Variants in IQCB1 observed in about 807,000 individuals in gnomAD.
IQCB1 encodes the protein IQ motif containing B1.
A neutral mutation model predicts 84.4 loss-of-function variants in IQCB1; 56 were observed. The ratio of observed to expected loss-of-function variants is 0.66; its 90% CI spans 0.54 to 0.83. The LOEUF is 0.83. Among genes scored for constraint, IQCB1 ranks in the 40% least tolerant of loss-of-function variants. The pLI, the probability that IQCB1 is intolerant of heterozygous loss-of-function variation, is 0.00. For missense variants in IQCB1, 629 were observed against 682.1 expected (o/e 0.92, Z 0.87); for synonymous variants, 210 against 234.8 (o/e 0.89, Z 0.96).
At chr3:121,833,110 C>G (rs1382975644) in intron 2 of IQCB1, among the ~76,000 whole-genome samples, 1 of 152,136 alleles carries the variant, frequency 6.6e-6, no homozygotes, top group Non-Finnish European at 1.5e-5. Context: ...CTACCTATCC[C>G]TTAGAGATGA....
At chr3:121,799,150 A>C in intron 8 of IQCB1, 46 bp downstream of exon 8, 1 of 1,457,878 alleles carries the variant, frequency 6.9e-7, no homozygotes, top group South Asian at 1.2e-5. Context: ...ATCAATAAAA[A>C]TTTTCTTTTT....
chr3:121,798,957 G>T (rs1205481240), intron 8 of IQCB1, among the ~76,000 whole-genome samples: 4 of 151,774 alleles, frequency 2.6e-5, no homozygotes, highest in Non-Finnish European at 5.9e-5. Flanking sequence ...TTGTCAGAGA[G>T]GGAGTAAATA....
At chr3:121,821,589 G>A (rs1183063349) in intron 5 of IQCB1, among the ~76,000 whole-genome samples, 5 of 152,298 alleles carry the variant, frequency 3.3e-5, no homozygotes, top group South Asian at 4.1e-4. Flanking sequence ...TGTGGCTATA[G>A]TGAAAGTAGT....
chr3:121,796,596 T>C (rs1437916449), intron 9 of IQCB1, among the ~76,000 whole-genome samples: 1 of 152,138 alleles, frequency 6.6e-6, no homozygotes, highest in Non-Finnish European at 1.5e-5. Context: ...GCATTATTGT[T>C]GTATCTCAAA....
chr3:121,793,137 T>C (rs1949058110), intron 10 of IQCB1, among the ~76,000 whole-genome samples: 1 of 152,094 alleles, frequency 6.6e-6, no homozygotes, highest in Admixed American at 6.5e-5. Flanking sequence ...CAAGATGAAA[T>C]CAACAAATGT....
At chr3:121,804,788 C>G (rs1024962000) in intron 7 of IQCB1, among the ~76,000 whole-genome samples, 8 of 152,098 alleles carry the variant, frequency 5.3e-5, no homozygotes, top group Non-Finnish European at 1.2e-4. Context: ...TAAGTCATTA[C>G]TTCTTCACAC....
chr3:121,814,556 A>T (rs1266102764), intron 5 of IQCB1, among the ~76,000 whole-genome samples: 1 of 152,220 alleles, frequency 6.6e-6, no homozygotes, highest in Non-Finnish European at 1.5e-5. Context: ...AATCAGATAG[A>T]CACAATAAAA....
In IQCB1 at chr3:121,800,391, G is replaced by A. The variant is rs563475719; in HGVS notation, c.588-1017C>T. 3.0e-4 allele frequency among the ~76,000 whole-genome samples: 45 copies of A among 151,924 alleles called. No individual in the cohort carries two copies. The South Asian group carries it at 5.6e-3, about 19-fold the overall frequency. On this transcript the variant is annotated intron_variant, in intron 7 of 14. Transcript: ENST00000310864. The stretch of plus-strand genomic sequence containing the variant: ...GCTTTTTGAAAATTGTACTTTAGTA[G>A]TTACTAAAATAATTTTGTTAAGAGA...
intron 5 of IQCB1, among the ~76,000 whole-genome samples, chr3:121,813,003 T>C (rs1287595198): frequency 6.6e-6 from 1 of 152,124 alleles, no homozygotes; most frequent in Non-Finnish European, 1.5e-5. Context: ...AAAAAAATCT[T>C]AGGGGCAGCC....
intron 2 of IQCB1, among the ~76,000 whole-genome samples, chr3:121,830,272 T>TA (rs911129956): frequency 2.3e-4 from 35 of 151,564 alleles, no homozygotes; most frequent in African/African-American, 8.5e-4. Context: ...CTCCTAACAT[T>TA]AAAAAACAAG....
chr3:121,809,176 T>C (rs1949727312), intron 5 of IQCB1, among the ~76,000 whole-genome samples, 167 bp from the exon 6 acceptor site: 1 of 151,870 alleles, frequency 6.6e-6, no homozygotes, highest in Admixed American at 6.6e-5. Flanking sequence ...TTTGTAAAAC[T>C]TGTGGTTACA....
intron 5 of IQCB1, among the ~76,000 whole-genome samples, chr3:121,822,905 A>G (rs1950325475): frequency 6.6e-6 from 1 of 152,222 alleles, no homozygotes; most frequent in South Asian, 2.1e-4. Flanking sequence ...CAAAAAATTA[A>G]CAGAGATGTG....
At chr3:121,815,134 C>T (rs1170744404) in intron 5 of IQCB1, among the ~76,000 whole-genome samples, 4 of 152,136 alleles carry the variant, frequency 2.6e-5, no homozygotes, top group Admixed American at 2.0e-4. Flanking sequence ...TAATCCATCA[C>T]ATAAACAGAA....
At chr3:121,816,261 A>T (rs976264596) in intron 5 of IQCB1, among the ~76,000 whole-genome samples, 1 of 152,220 alleles carries the variant, frequency 6.6e-6, no homozygotes, top group African/African-American at 2.4e-5. Flanking sequence ...TCTTATATGA[A>T]AATTAACTCA....
At chr3:121,823,946 A>C (rs1477296302) in intron 5 of IQCB1, among the ~76,000 whole-genome samples, 1 of 152,228 alleles carries the variant, frequency 6.6e-6, no homozygotes, top group Non-Finnish European at 1.5e-5. Context: ...CTGGGAACAA[A>C]TTTCTTAAAA....
intron 5 of IQCB1, among the ~76,000 whole-genome samples, chr3:121,811,135 G>A (rs1949812410): frequency 6.6e-6 from 1 of 152,142 alleles, no homozygotes; most frequent in Admixed American, 6.5e-5. Context: ...CCCACAGATG[G>A]CAAGCAGAAG....
intron 5 of IQCB1, among the ~76,000 whole-genome samples, chr3:121,811,015 C>T (rs1213383385): frequency 1.3e-5 from 2 of 152,176 alleles, no homozygotes; most frequent in East Asian, 3.9e-4. Context: ...TGAAGAGGAA[C>T]AGCTCTGGTC....
At chr3:121,795,308 G>T in intron 10 of IQCB1, 149 bp downstream of exon 10, 1 of 675,792 alleles carries the variant, frequency 1.5e-6, no homozygotes. Context: ...TCTGGTTACT[G>T]GAGTGTTGGT....
At chr3:121,817,510 T>A (rs1319109760) in intron 5 of IQCB1, among the ~76,000 whole-genome samples, 1 of 152,188 alleles carries the variant, frequency 6.6e-6, no homozygotes, top group Non-Finnish European at 1.5e-5. Context: ...TGTACTATTA[T>A]ACCTCTCATT....
Sources: gnomAD v4.1 joint callset for allele counts (sites outside exome capture counted in the v4.1 genomes callset) on GRCh38, gnomAD v4.1.1 for gene constraint, MANE v1.5 for transcripts, NCBI Gene and HGNC (gene_info 2026-07-23, HGNC 2026-07-21) for gene names.